Variants in KIAA1549L observed in about 807,000 individuals in gnomAD.
The protein encoded by KIAA1549L is KIAA1549 like.
In KIAA1549L, 88 loss-of-function variants were observed where a neutral mutation model predicts 160.7. That is an observed-to-expected ratio of 0.55 (90% CI 0.46 to 0.65). The LOEUF (loss-of-function observed/expected upper bound fraction) is 0.65. KIAA1549L is among the 30% of genes least tolerant of loss of function. The pLI, the probability that KIAA1549L is intolerant of heterozygous loss-of-function variation, is 0.00. For synonymous variants in KIAA1549L, 950 were observed against 976.7 expected (o/e 0.97, Z 0.51); for missense variants, 2,258 against 2,437.5 (o/e 0.93, Z 1.55).
At chr11:33,461,495 C>A (rs1443949000) in intron 1 of KIAA1549L, among the ~76,000 whole-genome samples, 3 of 152,214 alleles carry the variant, frequency 2.0e-5, no homozygotes, top group Non-Finnish European at 4.4e-5. Flanking sequence ...CATCCAGGAT[C>A]ACTGAACTGG....
chr11:33,507,339 A>T (rs1853114977), intron 1 of KIAA1549L, among the ~76,000 whole-genome samples: 1 of 152,220 alleles, frequency 6.6e-6, no homozygotes, highest in Non-Finnish European at 1.5e-5. Context: ...GATACAGCAA[A>T]GCCAGAGTTT....
intron 11 of KIAA1549L, among the ~76,000 whole-genome samples, chr11:33,586,576 A>C (rs924770994): frequency 7.2e-5 from 11 of 152,170 alleles, no homozygotes; most frequent in Non-Finnish European, 1.3e-4. Context: ...TCCCTGGAAG[A>C]GGCCACCTTA....
intron 16 of KIAA1549L, among the ~76,000 whole-genome samples, chr11:33,642,421 C>G (rs1203028413): frequency 1.3e-5 from 2 of 152,062 alleles, no homozygotes; most frequent in African/African-American, 2.4e-5. Context: ...AAGGGTGCAC[C>G]CTTATAGATG....
intron 1 of KIAA1549L, among the ~76,000 whole-genome samples, chr11:33,527,341 G>A (rs951490972): frequency 6.6e-6 from 1 of 152,132 alleles, no homozygotes; most frequent in Non-Finnish European, 1.5e-5. Context: ...TGTAAAATGG[G>A]GAAAGGATAC....
chr11:33,672,368 T>A lies in KIAA1549L; in HGVS notation c.*4214T>A, dbSNP rs116521459. ...TGCCTAAGGCAAATTTTTGAGGATC[T>A]GATTGGTTTAGTTCATCTGCCTATG... On this transcript the variant is annotated 3_prime_UTR_variant, in exon 21 of 21. Transcript: ENST00000658780. 6.6e-6 allele frequency: 1 copy of A among 152,286 alleles called. No homozygotes were observed. The highest frequency in any genetic ancestry group is 1.5e-5 in the Non-Finnish European group (1 of 68,102). 9.4% of individuals were successfully genotyped at this position (152,286 alleles called of 1,614,324 possible).
At chr11:33,585,885 T>G (rs1323338512) in intron 11 of KIAA1549L, among the ~76,000 whole-genome samples, 1 of 152,208 alleles carries the variant, frequency 6.6e-6, no homozygotes, top group South Asian at 2.1e-4. Context: ...CAAATTTATG[T>G]TCCATGAGTT....
rs555353369 is a variant in KIAA1549L, at chr11:33,575,418, T to G, written c.4402+545T>G. ...GGAAAGAGTGAGCAGAGGAAGGATG[T>G]TAAAAATAATAGCTGTCTCTTTGAA... On this transcript the variant is annotated intron_variant, in intron 10 of 20. Transcript: ENST00000658780. Among the ~76,000 whole-genome samples, 17 of 152,196 alleles carry G rather than the reference T, an allele frequency of 1.1e-4. No individual in the cohort carries two copies. In the South Asian group the frequency reaches 3.5e-3, roughly 32 times the overall value.
At position 33,662,381 on chromosome 11, in the gene KIAA1549L, A is replaced by C. The variant is rs543150645; in HGVS notation, c.6159+1367A>C. Among the ~76,000 whole-genome samples, 4 of 152,274 alleles carry C rather than the reference A, an allele frequency of 2.6e-5. No individual in the cohort carries two copies. In the South Asian group the frequency reaches 8.3e-4, roughly 32 times the overall value. On this transcript the variant is annotated intron_variant, in intron 20 of 20. Coordinates refer to ENST00000658780, the MANE Select transcript of KIAA1549L (RefSeq NM_012194.3). ...TCATTAGAATTGTTTGTAAACTTGG[A>C]GTAAATAAGCTCTAAGAGAGGAACT...
intron 1 of KIAA1549L, among the ~76,000 whole-genome samples, chr11:33,417,640 G>A (rs1378961149): frequency 2.0e-5 from 3 of 152,130 alleles, no homozygotes; most frequent in Admixed American, 6.6e-5. Context: ...TCTCATGGCT[G>A]CATTTCTCAC....
intron 16 of KIAA1549L, among the ~76,000 whole-genome samples, chr11:33,640,498 G>T (rs1056044445): frequency 1.3e-5 from 2 of 152,188 alleles, no homozygotes; most frequent in Non-Finnish European, 2.9e-5. Flanking sequence ...GTGGCAAAGC[G>T]TGGGCTCTCC....
At chr11:33,508,368 C>T (rs1218312288) in intron 1 of KIAA1549L, among the ~76,000 whole-genome samples, 2 of 152,210 alleles carry the variant, frequency 1.3e-5, no homozygotes, top group Non-Finnish European at 2.9e-5. Context: ...TCTCTTTCCC[C>T]TTCCTTGTCA....
At chr11:33,625,184 G>A (rs1192785372) in intron 16 of KIAA1549L, among the ~76,000 whole-genome samples, 1 of 151,718 alleles carries the variant, frequency 6.6e-6, no homozygotes, top group Non-Finnish European at 1.5e-5. Context: ...TTGGTTCCAA[G>A]TCTTTGCTAT....
intron 1 of KIAA1549L, among the ~76,000 whole-genome samples, chr11:33,527,544 A>C (rs1489324101): frequency 6.6e-6 from 1 of 152,228 alleles, no homozygotes; most frequent in Non-Finnish European, 1.5e-5. Flanking sequence ...AGTTTATGGC[A>C]AGAACCCCAA....
chr11:33,551,370 C>A, intron 5 of KIAA1549L, 111 bp downstream of exon 5: 1 of 873,826 alleles, frequency 1.1e-6, no homozygotes, highest in Non-Finnish European at 1.8e-6. Context: ...TTTTTTAGTC[C>A]CTGTGAACCT....
intron 1 of KIAA1549L, among the ~76,000 whole-genome samples, chr11:33,382,410 G>A (rs957440797): frequency 6.6e-6 from 1 of 151,976 alleles, no homozygotes; most frequent in Non-Finnish European, 1.5e-5. Context: ...GAGTGATGGG[G>A]ATAAAACTCT....
chr11:33,644,534 G>A (rs2133402321), intron 16 of KIAA1549L, among the ~76,000 whole-genome samples: 1 of 152,350 alleles, frequency 6.6e-6, no homozygotes, highest in South Asian at 2.1e-4. Context: ...ACAGCAACTA[G>A]TATTGTTTTT....
chr11:33,558,892 G>C (rs978837310), intron 6 of KIAA1549L, among the ~76,000 whole-genome samples: 4 of 149,930 alleles, frequency 2.7e-5, no homozygotes, highest in Non-Finnish European at 4.4e-5. Flanking sequence ...GGAGTGCAGT[G>C]GTGCAATCTC....
intron 1 of KIAA1549L, among the ~76,000 whole-genome samples, chr11:33,385,734 T>C (rs1850160707): frequency 6.6e-6 from 1 of 152,142 alleles, no homozygotes; most frequent in Non-Finnish European, 1.5e-5. Flanking sequence ...TAGAGATCTC[T>C]ATCTTAACAG....
intron 1 of KIAA1549L, among the ~76,000 whole-genome samples, chr11:33,447,927 A>T (rs1851648746): frequency 6.6e-6 from 1 of 152,118 alleles, no homozygotes; most frequent in African/African-American, 2.4e-5. Flanking sequence ...AGCATTCCAG[A>T]CAGAGGAGTT....
Sources: gnomAD v4.1 joint callset for allele counts (sites outside exome capture counted in the v4.1 genomes callset) on GRCh38, gnomAD v4.1.1 for gene constraint, MANE v1.5 for transcripts, NCBI Gene and HGNC (gene_info 2026-07-23, HGNC 2026-07-21) for gene names.